The following L3MBTL4 variants were observed in gnomAD, a reference collection of about 807,000 sequenced individuals.
L3MBTL4 encodes the protein lethal(3)malignant brain tumor-like protein 4.
L3MBTL4 carries 70 observed loss-of-function variants against 84.5 expected under a neutral mutation model. The ratio of observed to expected loss-of-function variants is 0.83; its 90% CI spans 0.68 to 1.01. The LOEUF is 1.01. Among genes scored for constraint, L3MBTL4 ranks in the 50% least tolerant of loss-of-function variants. The pLI is 0.00. For missense variants in L3MBTL4, 715 were observed against 754.8 expected (o/e 0.95, Z 0.62); for synonymous variants, 274 against 259.8 (o/e 1.05, Z -0.52).
intron 1 of L3MBTL4, among the ~76,000 whole-genome samples, chr18:6,323,667 C>G (rs188127911): frequency 1.9e-4 from 29 of 151,978 alleles, no homozygotes; most frequent in African/African-American, 6.8e-4. Flanking sequence ...AGCCTAGGCT[C>G]ATATAACAGC....
At chr18:5,991,631 A>G (rs2053704089) in intron 16 of L3MBTL4, among the ~76,000 whole-genome samples, 1 of 152,246 alleles carries the variant, frequency 6.6e-6, no homozygotes, top group African/African-American at 2.4e-5. Context: ...AAAAATTCAC[A>G]GCTGCCGTGT....
chr18:6,183,797 T>C (rs1303833101), intron 12 of L3MBTL4, among the ~76,000 whole-genome samples: 1 of 152,174 alleles, frequency 6.6e-6, no homozygotes, highest in African/African-American at 2.4e-5. Flanking sequence ...AACCATGTAA[T>C]CCAGGATATT....
At chr18:6,328,297 G>C (rs558754489) in intron 1 of L3MBTL4, among the ~76,000 whole-genome samples, 9 of 152,272 alleles carry the variant, frequency 5.9e-5, no homozygotes, top group African/African-American at 1.7e-4. Context: ...TCAATGACTT[G>C]CCTAAGCTCA....
intron 16 of L3MBTL4, among the ~76,000 whole-genome samples, chr18:6,002,616 A>G (rs73376004): frequency 0.072 from 11,014 of 152,074 alleles, 510 homozygotes; most frequent in East Asian, 0.12. Context: ...TAGAAATTCA[A>G]ATTAAAGAGC....
intron 16 of L3MBTL4, among the ~76,000 whole-genome samples, chr18:6,001,392 A>G (rs2054207000): frequency 1.3e-5 from 2 of 152,234 alleles, no homozygotes; most frequent in Non-Finnish European, 2.9e-5. Context: ...GGGCTCAGAA[A>G]TGACCTGAGA....
chr18:6,321,262 C>A (rs957652405), intron 1 of L3MBTL4, among the ~76,000 whole-genome samples: 1 of 152,058 alleles, frequency 6.6e-6, no homozygotes, highest in Non-Finnish European at 1.5e-5. Flanking sequence ...TTCTGTACAG[C>A]AAAAGGCATA....
intron 4 of L3MBTL4, among the ~76,000 whole-genome samples, chr18:6,295,825 C>T (rs555128525): frequency 2.0e-5 from 3 of 152,194 alleles, no homozygotes; most frequent in Non-Finnish European, 2.9e-5. Context: ...ATCTCATGTA[C>T]AACTGTAATC....
chr18:6,150,649 T>C (rs1312847393), intron 13 of L3MBTL4, among the ~76,000 whole-genome samples: 2 of 152,058 alleles, frequency 1.3e-5, no homozygotes, highest in East Asian at 1.9e-4. Flanking sequence ...AAGGAGCAAA[T>C]TGCCTTCCCT....
At chr18:6,257,347 C>T (rs1163852054) in intron 5 of L3MBTL4, among the ~76,000 whole-genome samples, 1 of 151,784 alleles carries the variant, frequency 6.6e-6, no homozygotes, top group Non-Finnish European at 1.5e-5. Context: ...CACCGAGAGA[C>T]AAAATACACC....
chr18:6,399,452 G>GAA (rs11436148), intron 1 of L3MBTL4, among the ~76,000 whole-genome samples: 2 of 150,246 alleles, frequency 1.3e-5, no homozygotes, highest in African/African-American at 4.9e-5. Flanking sequence ...AAGAAAAAAA[G>GAA]AAAAAAAAAG....
At chr18:6,206,377 A>T (rs1247989577) in intron 12 of L3MBTL4, among the ~76,000 whole-genome samples, 1 of 152,198 alleles carries the variant, frequency 6.6e-6, no homozygotes, top group African/African-American at 2.4e-5. Flanking sequence ...TGCATAGAAA[A>T]CTGTGAAACA....
intron 14 of L3MBTL4, among the ~76,000 whole-genome samples, chr18:6,096,433 C>G (rs1483690753): frequency 4.6e-5 from 7 of 152,138 alleles, no homozygotes; most frequent in Non-Finnish European, 1.0e-4. Context: ...CTTATCTGCA[C>G]CATTTTGAAC....
intron 16 of L3MBTL4, among the ~76,000 whole-genome samples, chr18:6,052,026 G>C (rs566522271): frequency 6.6e-6 from 1 of 152,256 alleles, no homozygotes; most frequent in East Asian, 1.9e-4. Context: ...GCTCTGAGGT[G>C]TTTCCCTTGC....
At chr18:6,318,945 G>A (rs1294844170) in intron 1 of L3MBTL4, among the ~76,000 whole-genome samples, 1 of 152,040 alleles carries the variant, frequency 6.6e-6, no homozygotes, top group Admixed American at 6.6e-5. Flanking sequence ...CAAGACCACA[G>A]TAGAATAAAA....
intron 1 of L3MBTL4, among the ~76,000 whole-genome samples, chr18:6,404,794 C>T (rs2055655710): frequency 6.6e-6 from 1 of 152,072 alleles, no homozygotes; most frequent in Admixed American, 6.5e-5. Context: ...TCAAGGGATC[C>T]TTCTGCCTTA....
chr18:6,290,938 G>A lies in L3MBTL4; in HGVS notation c.127+10965C>T, dbSNP rs569606562. Reference sequence around the variant, plus strand: ...ACTAAAACAGGTACTGCTGTATTCTGAAGCCCTATATAAACTTAAACTAAA... The same window carrying A: ...ACTAAAACAGGTACTGCTGTATTCTAAAGCCCTATATAAACTTAAACTAAA... On this transcript the variant is annotated intron_variant, in intron 4 of 18. Coordinates refer to ENST00000317931, the MANE Select transcript of L3MBTL4 (RefSeq NM_001330559.2). Among the ~76,000 whole-genome samples the A allele has an allele frequency of 2.6e-5, 4 of 152,194 alleles. No homozygotes were observed. In the East Asian group the frequency reaches 5.8e-4, roughly 22 times the overall value.
chr18:6,398,708 C>T (rs1247568415), intron 1 of L3MBTL4, among the ~76,000 whole-genome samples: 1 of 138,632 alleles, frequency 7.2e-6, no homozygotes, highest in Non-Finnish European at 1.5e-5. Flanking sequence ...GGAAATTACA[C>T]ACACATTTTT....
chr18:6,236,938 T>C (rs2047239664), intron 10 of L3MBTL4, among the ~76,000 whole-genome samples: 1 of 152,230 alleles, frequency 6.6e-6, no homozygotes, highest in African/African-American at 2.4e-5. Flanking sequence ...CAACATTTGT[T>C]CCATTCTGGA....
intron 10 of L3MBTL4, among the ~76,000 whole-genome samples, chr18:6,225,877 C>A (rs1407277221): frequency 6.6e-6 from 1 of 151,436 alleles, no homozygotes; most frequent in Non-Finnish European, 1.5e-5. Context: ...AATTATATAC[C>A]CAGCAAAAAT....
Sources: gnomAD v4.1 joint callset for allele counts (sites outside exome capture counted in the v4.1 genomes callset) on GRCh38, gnomAD v4.1.1 for gene constraint, MANE v1.5 for transcripts, NCBI Gene and HGNC (gene_info 2026-07-23, HGNC 2026-07-21) for gene names.